UGT2A3: variants seen among roughly 807,000 people sequenced by gnomAD.
The protein encoded by UGT2A3 is UDP glucuronosyltransferase family 2 member A3.
A neutral mutation model predicts 44.1 loss-of-function variants in UGT2A3; 55 were observed. That is an observed-to-expected ratio of 1.25 (90% CI 1.00 to 1.56). The LOEUF (loss-of-function observed/expected upper bound fraction) is 1.56. UGT2A3 is among the 40% of genes most tolerant of loss of function. The pLI is 0.00. For synonymous variants in UGT2A3, 243 were observed against 215.1 expected (o/e 1.13, Z -1.13); for missense variants, 733 against 621.6 (o/e 1.18, Z -1.91).
chr4:68,943,218 TG>T, intron 2 of UGT2A3: 4 of 621,946 alleles, frequency 6.4e-6, no homozygotes, highest in Non-Finnish European at 4.7e-6. Flanking sequence ...TGTGTGTGTG[TG>T]TTTGTGTGTG....
intron 2 of UGT2A3, among the ~76,000 whole-genome samples, chr4:68,933,726 C>T (rs1273640339): frequency 3.3e-5 from 5 of 152,006 alleles, no homozygotes; most frequent in Non-Finnish European, 7.4e-5. Flanking sequence ...AACTAAGTTC[C>T]AGTTATTTCT....
chr4:68,933,899 C>A (rs1441270408), intron 2 of UGT2A3, among the ~76,000 whole-genome samples: 3 of 151,970 alleles, frequency 2.0e-5, no homozygotes, highest in African/African-American at 7.2e-5. Context: ...ACTACAAGCT[C>A]TCCTCAGAAC....
chr4:68,939,111 T>C (rs1718082761), intron 2 of UGT2A3, among the ~76,000 whole-genome samples: 2 of 152,100 alleles, frequency 1.3e-5, no homozygotes, highest in African/African-American at 4.8e-5. Flanking sequence ...ATCATGAAAA[T>C]GGACATACTG....
chr4:68,938,983 A>G (rs1220254542), intron 2 of UGT2A3, among the ~76,000 whole-genome samples: 2 of 152,158 alleles, frequency 1.3e-5, no homozygotes, highest in South Asian at 2.1e-4. Flanking sequence ...TAGGAATCCA[A>G]CTTACAAGGG....
intron 5 of UGT2A3, 76 bp downstream of exon 5, chr4:68,930,470 A>G (rs964093210): frequency 3.3e-5 from 44 of 1,327,454 alleles, no homozygotes; most frequent in Non-Finnish European, 4.3e-5. Context: ...GTCTACCAGG[A>G]TGATATTTAA....
At position 68,951,483 on chromosome 4, in the gene UGT2A3, A is replaced by T; in HGVS notation, c.278T>A (p.Leu93Gln). ...TAAGCCTGGCAAGACATTCAGAGCT[A>T]GGTCAACAAATATTTCATTTTCTTC... ...RTEENEIFVD[L>Q]ALNVLPGLST... Residue 93 changes from leucine to glutamine, a missense_variant, in exon 1 of 6, where the codon CTA becomes CAA. By Grantham distance (113) the Leu-to-Gln change is moderately radical. Coordinates refer to ENST00000251566, the MANE Select transcript of UGT2A3 (RefSeq NM_024743.4). 6.2e-7 allele frequency: 1 copy of T among 1,612,684 alleles called. No homozygotes were observed. The highest frequency in any genetic ancestry group is 8.5e-7 in the Non-Finnish European group (1 of 1,179,286).
intron 2 of UGT2A3, among the ~76,000 whole-genome samples, chr4:68,935,311 T>C (rs1282652550): frequency 1.6e-5 from 2 of 128,194 alleles, no homozygotes; most frequent in East Asian, 2.4e-4. Context: ...TATATATATA[T>C]ATATATGCAT....
At chr4:68,945,536 G>A in intron 1 of UGT2A3, 82 bp from the exon 2 acceptor site, 3 of 1,275,540 alleles carry the variant, frequency 2.4e-6, no homozygotes, top group Non-Finnish European at 3.2e-6. Flanking sequence ...AAGCTATTAA[G>A]AAAAAAATAA....
In UGT2A3 at chr4:68,951,196, G is replaced by A. The variant is rs1375059480; in HGVS notation, c.565C>T (p.Leu189Phe). The A allele has an allele frequency of 1.2e-6, 2 of 1,612,098 alleles. No homozygotes were observed. ...ERSCGKLPAP[L>F]SYVPVPMTGL... Reference sequence around the variant, plus strand: ...GTCATAGGCACAGGTACATAGGAAAGTGGAGCTGGAAGTTTCCCACAGCTT... The same window carrying A: ...GTCATAGGCACAGGTACATAGGAAAATGGAGCTGGAAGTTTCCCACAGCTT... The change falls in exon 1 of 6, where the codon CTT becomes TTT. Residue 189 changes from leucine to phenylalanine, a missense_variant. Physicochemically the swap from Leu to Phe is conservative, Grantham distance 22. Transcript: ENST00000251566.
chr4:68,948,891 A>G (rs571942202), intron 1 of UGT2A3, among the ~76,000 whole-genome samples: 2 of 151,940 alleles, frequency 1.3e-5, no homozygotes, highest in East Asian at 3.9e-4. Context: ...ATGGTATACA[A>G]GAGGCATGGC....
chr4:68,945,511 CA>C, intron 1 of UGT2A3, 57 bp from the exon 2 acceptor site: 1 of 1,453,098 alleles, frequency 6.9e-7, no homozygotes, highest in South Asian at 1.4e-5. Context: ...AAAATTGTAT[CA>C]CTAATTTTTC....
chr4:68,933,901 C>T (rs1717837091), intron 2 of UGT2A3, among the ~76,000 whole-genome samples: 1 of 151,988 alleles, frequency 6.6e-6, no homozygotes, highest in Admixed American at 6.6e-5. Flanking sequence ...TACAAGCTCT[C>T]CTCAGAACAG....
intron 2 of UGT2A3, among the ~76,000 whole-genome samples, chr4:68,938,480 A>C (rs1718040880): frequency 6.6e-6 from 1 of 152,120 alleles, no homozygotes; most frequent in East Asian, 1.9e-4. Context: ...AGATGCAGAA[A>C]ACACCTTCAA....
At position 68,951,654 on chromosome 4, in the gene UGT2A3, C is replaced by T. The variant is rs1190069360; in HGVS notation, c.107G>A (p.Trp36Ter). The change falls in exon 1 of 6, where the codon TGG (tryptophan) becomes TAG (stop). Residue 36 changes from tryptophan (W) to a stop codon, truncating the protein, a stop_gained. Transcript: ENST00000251566. LOFTEE classifies it high-confidence loss of function. Reference sequence around the variant, plus strand: ...TTCTAGAATGACCTTGACATTAAGCCAATGGCTCATGTCACAGGGCCACAC... The same window carrying T: ...TTCTAGAATGACCTTGACATTAAGCTAATGGCTCATGTCACAGGGCCACAC... Reference protein sequence around the residue: ...VLVWPCDMSHWLNVKVILEEL... With the variant: ...VLVWPCDMSH The T allele has an allele frequency of 1.2e-6, 2 of 1,612,288 alleles. No homozygotes were observed. The highest frequency in any genetic ancestry group is 1.7e-6 in the Non-Finnish European group (2 of 1,179,366).
chr4:68,940,669 C>A (rs1718150176), intron 2 of UGT2A3, among the ~76,000 whole-genome samples: 1 of 150,620 alleles, frequency 6.6e-6, no homozygotes, highest in African/African-American at 2.4e-5. Flanking sequence ...ACATCCTGCA[C>A]ATGTACCCTT....
intron 1 of UGT2A3, among the ~76,000 whole-genome samples, chr4:68,946,334 G>A (rs1185293146): frequency 6.6e-6 from 1 of 151,566 alleles, no homozygotes; most frequent in African/African-American, 2.4e-5. Context: ...CCATAGTGTG[G>A]AGAGCCTCTT....
At chr4:68,940,719 TTGTA>T (rs1282512678) in intron 2 of UGT2A3, among the ~76,000 whole-genome samples, 4 of 147,758 alleles carry the variant, frequency 2.7e-5, no homozygotes, top group South Asian at 4.2e-4. Context: ...ACTTAAAGTA[TTGTA>T]TATATATAAT....
chr4:68,936,200 G>T (rs1717946150), intron 2 of UGT2A3, among the ~76,000 whole-genome samples: 1 of 152,010 alleles, frequency 6.6e-6, no homozygotes, highest in Admixed American at 6.6e-5. Context: ...TCAAATTCAG[G>T]AAATACAGAG....
chr4:68,946,960 A>C (rs984375817), intron 1 of UGT2A3, among the ~76,000 whole-genome samples: 2 of 151,740 alleles, frequency 1.3e-5, no homozygotes, highest in African/African-American at 4.8e-5. Flanking sequence ...TAATAAGCTG[A>C]GTCTTCAGCA....
Sources: allele counts gnomAD v4.1 joint callset (sites outside exome capture counted in the v4.1 genomes callset), GRCh38; gene constraint gnomAD v4.1.1; transcripts MANE v1.5; gene names NCBI Gene and HGNC (gene_info 2026-07-23, HGNC 2026-07-21).